Variants in STK3 observed in about 807,000 individuals in gnomAD.
STK3 encodes the protein serine/threonine kinase 3.
In STK3, 41 loss-of-function variants were observed where a neutral mutation model predicts 58.0. That is an observed-to-expected ratio of 0.71 (90% CI 0.55 to 0.92). STK3 has a LOEUF of 0.92. Among genes scored for constraint, STK3 ranks in the 40% least tolerant of loss-of-function variants. The pLI is 0.00. For synonymous variants in STK3, 170 were observed against 191.0 expected, an observed-to-expected ratio of 0.89 and a Z score of 0.91; for missense variants, 479 against 602.7, an observed-to-expected ratio of 0.79 and a Z score of 2.15.
At chr8:98,635,317 G>A (rs1041237240) in intron 6 of STK3, among the ~76,000 whole-genome samples, 5 of 152,060 alleles carry the variant, frequency 3.3e-5, no homozygotes, top group African/African-American at 1.2e-4. Context: ...CACTTATTAT[G>A]TATGGGGCAA....
the STK3 span, among the ~76,000 whole-genome samples, chr8:98,353,293 A>C: frequency 6.6e-6 from 1 of 152,098 alleles, no homozygotes; most frequent in Admixed American, 6.6e-5. Context: ...GGGCAACATA[A>C]GGAGACCTCC....
intron 4 of STK3, among the ~76,000 whole-genome samples, chr8:98,710,303 T>C (rs549405620): frequency 4.6e-5 from 7 of 151,984 alleles, no homozygotes; most frequent in Non-Finnish European, 8.8e-5. Context: ...TGCAAGACAG[T>C]GGGTACAGTG....
At chr8:98,601,541 T>C (rs1345094400) in intron 6 of STK3, 1 of 152,226 alleles carries the variant, frequency 6.6e-6, no homozygotes, top group East Asian at 1.9e-4. Flanking sequence ...ACCTGCAATA[T>C]ATTAACTTCT....
intron 6 of STK3, among the ~76,000 whole-genome samples, chr8:98,653,964 T>A (rs899777233): frequency 7.9e-4 from 120 of 152,184 alleles, no homozygotes; most frequent in South Asian, 2.1e-3. Context: ...AAAGAGGGAA[T>A]CCTCCCTAAC....
chr8:98,554,215 G>A (rs906473301), intron 8 of STK3, among the ~76,000 whole-genome samples: 6 of 152,052 alleles, frequency 3.9e-5, no homozygotes, highest in African/African-American at 2.4e-5. Context: ...TTCATTTTCC[G>A]AAGTAAAGAG....
intron 10 of STK3, among the ~76,000 whole-genome samples, chr8:98,503,785 G>C (rs891785624): frequency 1.3e-5 from 2 of 152,166 alleles, no homozygotes; most frequent in African/African-American, 4.8e-5. Flanking sequence ...TGTGATTTCT[G>C]TTCTTTTACA....
chr8:98,527,952 A>G (rs1282809454), intron 9 of STK3, among the ~76,000 whole-genome samples: 1 of 152,184 alleles, frequency 6.6e-6, no homozygotes, highest in Non-Finnish European at 1.5e-5. Flanking sequence ...GACATATTCT[A>G]TCTCCACTAA....
chr8:98,780,382 T>C lies in STK3; in HGVS notation c.27-5563A>G, dbSNP rs147686583. ...AGTGTAGACTTAACTTGTATTATTA[T>C]GAGTGAAGTTGACCATCTTTTCATA... On this transcript the variant is annotated intron_variant, in intron 1 of 10. Coordinates refer to ENST00000419617, the MANE Select transcript of STK3 (RefSeq NM_006281.4). Among the ~76,000 whole-genome samples, 35 of 152,276 alleles carry C rather than the reference T, an allele frequency of 2.3e-4. No homozygotes were observed. The East Asian group carries it at 5.8e-3, about 25-fold the overall frequency.
chr8:98,412,068 CTA>C (rs1375348704), intron 3 of STK3, among the ~76,000 whole-genome samples: 2 of 152,216 alleles, frequency 1.3e-5, no homozygotes, highest in East Asian at 3.8e-4. Flanking sequence ...AGTTGCTGAT[CTA>C]TCTCCCGCAA....
At chr8:98,757,602 A>G (rs76885113) in intron 3 of STK3, among the ~76,000 whole-genome samples, 4 of 150,718 alleles carry the variant, frequency 2.7e-5, no homozygotes, top group African/African-American at 9.7e-5. Flanking sequence ...CTCAAAGAAA[A>G]AAAAAAAAAA....
At chr8:98,414,007 T>C (rs1456725008) in intron 3 of STK3, among the ~76,000 whole-genome samples, 1 of 152,252 alleles carries the variant, frequency 6.6e-6, no homozygotes, top group Non-Finnish European at 1.5e-5. Context: ...CTCATGCCTG[T>C]AATCCCCACA....
chr8:98,683,725 C>T (rs754998508), intron 6 of STK3, among the ~76,000 whole-genome samples: 1 of 152,078 alleles, frequency 6.6e-6, no homozygotes, highest in Non-Finnish European at 1.5e-5. Context: ...TAAAACTAAG[C>T]TTTCCAGAAG....
intron 8 of STK3, among the ~76,000 whole-genome samples, chr8:98,574,505 A>G (rs1813225479): frequency 6.6e-6 from 1 of 152,202 alleles, no homozygotes; most frequent in Admixed American, 6.5e-5. Context: ...GCTTAAAGGC[A>G]TTGTCCCTGC....
In STK3 at chr8:98,526,909, T is replaced by G. The variant is rs759861263; in HGVS notation, c.1150A>C (p.Thr384Pro). The change falls in exon 10 of 11, where the codon ACC becomes CCC. Residue 384 changes from threonine to proline, a missense_variant. By Grantham distance (38) the Thr-to-Pro change is conservative. This residue lies in a region of STK3 where 309 missense variants were observed against 355.7 expected (regional missense o/e 0.87). Transcript: ENST00000419617. ...GATGGTCTTTGTACTTGTGGTGAGG[T>G]TGCATTTCCTTAGGTAAACAAAGAA... ...EEDGTMKRNA[T>P]SPQVQRPSFM... The G allele has an allele frequency of 3.2e-6, 5 of 1,550,968 alleles. No homozygotes were observed. In the South Asian group the frequency reaches 6.3e-5, roughly 20 times the overall value.
At chr8:98,860,630 A>AT (rs1166827794) in intron 3 of STK3, among the ~76,000 whole-genome samples, 6 of 152,134 alleles carry the variant, frequency 3.9e-5, no homozygotes, top group Admixed American at 6.5e-5. Flanking sequence ...AAGGAGATCA[A>AT]TTTTTTTTAA....
intron 3 of STK3, chr8:98,427,694 G>C (rs561564931): frequency 6.6e-4 from 192 of 292,692 alleles, no homozygotes; most frequent in African/African-American, 3.3e-3. Flanking sequence ...TCAGAGCCGC[G>C]GGGACGCGAC....
chr8:98,793,527 A>C (rs1282831386), intron 1 of STK3, among the ~76,000 whole-genome samples: 1 of 152,142 alleles, frequency 6.6e-6, no homozygotes, highest in Non-Finnish European at 1.5e-5. Context: ...AGACAGTCTC[A>C]AAACAAACAA....
intron 3 of STK3, among the ~76,000 whole-genome samples, chr8:98,425,321 C>T (rs1034074258): frequency 3.1e-5 from 3 of 98,218 alleles, no homozygotes; most frequent in Non-Finnish European, 4.3e-5. Context: ...TCCGTCTCTC[C>T]CTCTCAGACA....
At chr8:98,549,279 T>A (rs1810973567) in intron 8 of STK3, among the ~76,000 whole-genome samples, 1 of 152,164 alleles carries the variant, frequency 6.6e-6, no homozygotes, top group South Asian at 2.1e-4. Flanking sequence ...TATTTTCCAT[T>A]TTTAAAAAAT....
Sources: allele counts gnomAD v4.1 joint callset (sites outside exome capture counted in the v4.1 genomes callset), GRCh38; gene constraint gnomAD v4.1.1; regional missense constraint gnomAD v4.1.1; transcripts MANE v1.5; gene names NCBI Gene and HGNC (gene_info 2026-07-23, HGNC 2026-07-21).